SPART: variants seen among roughly 807,000 people sequenced by gnomAD.
The protein encoded by SPART is spartin, also known as spastic paraplegia 20 (Troyer syndrome).
SPART carries 35 observed loss-of-function variants against 58.7 expected under a neutral mutation model. That is an observed-to-expected ratio of 0.60 (90% CI 0.46 to 0.79). The LOEUF (loss-of-function observed/expected upper bound fraction) is 0.79. Ranked by LOEUF, SPART falls within the 30% of genes least tolerant of loss-of-function variation. The pLI, the probability that SPART is intolerant of heterozygous loss-of-function variation, is 0.00. For missense variants in SPART, 730 were observed against 786.1 expected, an observed-to-expected ratio of 0.93 and a Z score of 0.85; for synonymous variants, 284 against 280.7, an observed-to-expected ratio of 1.01 and a Z score of -0.12.
In SPART at chr13:36,331,498, T is replaced by C. The variant is rs888331543; in HGVS notation, c.909A>G (p.Ala303=). The part of the protein sequence containing the change: ...YMFPDTMLQA[A]GCFVGVVLSS... ...ACAGGACGACCCCCACAAAGCATCC[T>C]GCTGCTTGTAGCATTGTATCAGGAA... Residue 303 remains alanine (A), a synonymous_variant, in exon 3 of 9, where the codon GCA becomes GCG. Transcript: ENST00000438666. 1.2e-6 allele frequency: 2 copies of C among 1,613,954 alleles called. No individual in the cohort carries two copies. The highest frequency in any genetic ancestry group is 1.7e-5 in the Admixed American group (1 of 59,986).
intron 5 of SPART, among the ~76,000 whole-genome samples, chr13:36,318,941 A>C (rs1882038262): frequency 6.6e-6 from 1 of 152,154 alleles, no homozygotes; most frequent in Non-Finnish European, 1.5e-5. Flanking sequence ...TCGCCTCGGA[A>C]GCCCCCTAGA....
intron 3 of SPART, 61 bp from the exon 4 acceptor site, chr13:36,329,578 A>G (rs1883271324): frequency 6.5e-7 from 1 of 1,532,478 alleles, no homozygotes; most frequent in Admixed American, 1.7e-5. Flanking sequence ...GCTTTCTGCC[A>G]GCTATATTAC....
intron 7 of SPART, 36 bp downstream of exon 7, chr13:36,312,283 G>A (rs751042009): frequency 8.1e-6 from 13 of 1,613,676 alleles, no homozygotes; most frequent in Non-Finnish European, 1.0e-5. Flanking sequence ...CAAAGCAAAC[G>A]GACCTTCATA....
rs1373874111 is a variant in SPART at position 36,303,493 on chromosome 13, C to T, written c.*872G>A. 6.6e-6 allele frequency: 1 copy of T among 151,932 alleles called. No individual in the cohort carries two copies. The highest frequency in any genetic ancestry group is 1.5e-5 in the Non-Finnish European group (1 of 67,990). 9.4% of individuals were successfully genotyped at this position (151,932 alleles called of 1,614,324 possible). A position where few individuals can be genotyped will look rare whatever the true frequency, so the allele number is the denominator to read the frequency against. On this transcript the variant is annotated 3_prime_UTR_variant, in exon 9 of 9. Coordinates refer to ENST00000438666, the MANE Select transcript of SPART (RefSeq NM_015087.5). ...TGTCTTTTAATATAAATTCCAATGA[C>T]CGAATCCCAGAATAAAAATGTTTAC... is the stretch of plus-strand genomic sequence containing the variant.
In SPART at chr13:36,304,753, A is replaced by G. The variant is rs372044846; in HGVS notation, c.1734-121T>C. The G allele has an allele frequency of 2.2e-4, 232 of 1,035,814 alleles. No individual in the cohort carries two copies. The African/African-American group carries it at 3.1e-3, about 14-fold the overall frequency. The allele number at this position is 1,035,814 out of a possible 1,614,324, so 64.2% of individuals were successfully genotyped here. On this transcript the variant is annotated intron_variant, in intron 8 of 8. Transcript: ENST00000438666. ...ACCCCTGAAAGCAAAATTAAAGCTT[A>G]GGTTTCAATTTAATTAATAACTTAA...
intron 1 of SPART, among the ~76,000 whole-genome samples, chr13:36,337,828 T>A (rs1410292842): frequency 2.6e-5 from 4 of 152,198 alleles, no homozygotes; most frequent in Non-Finnish European, 5.9e-5. Context: ...TTTGATACAC[T>A]GAAAAGCTGT....
At chr13:36,316,872 T>G (rs1215437131) in intron 5 of SPART, among the ~76,000 whole-genome samples, 1 of 152,192 alleles carries the variant, frequency 6.6e-6, no homozygotes, top group Admixed American at 6.5e-5. Context: ...CCTCAGGTCC[T>G]AAGACCGACC....
intron 1 of SPART, among the ~76,000 whole-genome samples, chr13:36,344,699 T>C (rs923413257): frequency 2.6e-5 from 4 of 152,210 alleles, no homozygotes; most frequent in Non-Finnish European, 5.9e-5. Flanking sequence ...ATTCTATTCC[T>C]AAGCACAATT....
chr13:36,351,867 T>TG (rs1885423604), intron 1 of SPART, among the ~76,000 whole-genome samples: 1 of 152,188 alleles, frequency 6.6e-6, no homozygotes. Flanking sequence ...ATATTGTCAG[T>TG]GGGTATTAGA....
chr13:36,369,019 A>C, intron 1 of SPART, among the ~76,000 whole-genome samples: 2 of 152,284 alleles, frequency 1.3e-5, no homozygotes, highest in East Asian at 3.9e-4. Flanking sequence ...AATAAAAATA[A>C]ATTTAAAAAT....
At chr13:36,319,690 C>T (rs549882035) in intron 5 of SPART, among the ~76,000 whole-genome samples, 1 of 142,670 alleles carries the variant, frequency 7.0e-6, no homozygotes, top group Non-Finnish European at 1.6e-5. Context: ...TGTTCTAGAT[C>T]TCAAACATGC....
At chr13:36,368,932 G>GATTTC (rs1886171271) in intron 1 of SPART, among the ~76,000 whole-genome samples, 3 of 152,210 alleles carry the variant, frequency 2.0e-5, no homozygotes, top group African/African-American at 7.2e-5. Context: ...CCAGGAGGCG[G>GATTTC]AGGTTTCAGT....
intron 4 of SPART, among the ~76,000 whole-genome samples, chr13:36,327,821 C>G (rs532810457): frequency 6.6e-6 from 1 of 152,074 alleles, no homozygotes; most frequent in Non-Finnish European, 1.5e-5. Flanking sequence ...AACTGAAACC[C>G]CATCTCTACT....
upstream of SPART, among the ~76,000 whole-genome samples, chr13:36,348,346 C>T (rs1250496963): frequency 6.6e-6 from 1 of 152,184 alleles, no homozygotes; most frequent in East Asian, 1.9e-4. Context: ...TACTTCTTTA[C>T]ATTTAAAAAG....
intron 1 of SPART, among the ~76,000 whole-genome samples, chr13:36,364,624 A>G (rs1237862106): frequency 1.3e-5 from 2 of 152,208 alleles, no homozygotes; most frequent in African/African-American, 4.8e-5. Context: ...AGAACAGAAG[A>G]TTACAAATAT....
intron 1 of SPART, among the ~76,000 whole-genome samples, chr13:36,353,563 CT>C (rs1225525445): frequency 9.2e-5 from 14 of 152,190 alleles, no homozygotes; most frequent in Admixed American, 6.5e-4. Flanking sequence ...AGCATTTGGG[CT>C]TGTGTTAGGT....
chr13:36,321,351 T>C (rs913307495), intron 5 of SPART, among the ~76,000 whole-genome samples: 2 of 152,240 alleles, frequency 1.3e-5, no homozygotes, highest in Non-Finnish European at 2.9e-5. Flanking sequence ...AAATAATCTT[T>C]GCTGGCAGGA....
chr13:36,312,432 G>A lies in SPART; in HGVS notation c.1529C>T (p.Ala510Val), dbSNP rs760321052. Residue 510 changes from alanine to valine, a missense_variant, in exon 7 of 9, where the codon GCT becomes GTT. Ala to Val is a moderately conservative substitution (Grantham distance 64). Coordinates refer to ENST00000438666, the MANE Select transcript of SPART (RefSeq NM_015087.5). ...GCTTCCATGCTTCTTGACATGTGGA[G>A]CTAGTTCTTTTCCAACGCAATTTGC... Reference protein sequence around the residue: ...TVANCVGKELAPHVKKHGSKL... With the variant: ...TVANCVGKELVPHVKKHGSKL... 5.0e-6 allele frequency: 8 copies of A among 1,613,948 alleles called. No homozygotes were observed. The highest frequency in any genetic ancestry group is 1.1e-5 in the South Asian group (1 of 91,084).
At chr13:36,340,288 G>C (rs957661163) in intron 1 of SPART, among the ~76,000 whole-genome samples, 4 of 150,070 alleles carry the variant, frequency 2.7e-5, no homozygotes, top group Non-Finnish European at 5.9e-5. Context: ...GCTTGAACCC[G>C]GGAGGCGGAC....
Sources: allele counts gnomAD v4.1 joint callset (sites outside exome capture counted in the v4.1 genomes callset), GRCh38; gene constraint gnomAD v4.1.1; transcripts MANE v1.5; gene names NCBI Gene and HGNC (gene_info 2026-07-23, HGNC 2026-07-21).